Variants in ANPEP observed in about 807,000 individuals in gnomAD.
The protein encoded by ANPEP is alanyl aminopeptidase, membrane.
A neutral mutation model predicts 114.6 loss-of-function variants in ANPEP; 70 were observed. The ratio of observed to expected loss-of-function variants is 0.61; its 90% confidence interval spans 0.50 to 0.75. ANPEP has a LOEUF of 0.75. Among genes scored for constraint, ANPEP ranks in the 30% least tolerant of loss-of-function variants. ANPEP has a pLI of 0.00. For synonymous variants in ANPEP, 548 were observed against 522.3 expected, an observed-to-expected ratio of 1.05 and a Z score of -0.67; for missense variants, 1,184 against 1,259.5, an observed-to-expected ratio of 0.94 and a Z score of 0.91.
chr15:89,791,705 A>G (rs28462367), intron 18 of ANPEP, among the ~76,000 whole-genome samples: 62,013 of 150,678 alleles, frequency 0.41, 13,556 homozygotes, highest in African/African-American at 0.56. Context: ...CATCCACCTC[A>G]GTCTTCCAAA....
Position 89,801,096 on chromosome 15 carries a change from G to C in ANPEP, c.1819+15C>G. On this transcript the variant is annotated intron_variant, in intron 12 of 20. Transcript: ENST00000300060. ...TGGGGTGGGGGCTGCTGCCCATAAG[G>C]CAGGGCTGGATTACCTCTTACATCT... 1 of 1,612,722 alleles carries C rather than the reference G, an allele frequency of 6.2e-7. No individual in the cohort carries two copies. Among genetic ancestry groups the C allele is most frequent in the Non-Finnish European group, 8.5e-7 (1 of 1,178,874 alleles).
At chr15:89,808,715 T>A (rs1894767851) in intron 1 of ANPEP, among the ~76,000 whole-genome samples, 1 of 152,126 alleles carries the variant, frequency 6.6e-6, no homozygotes, top group South Asian at 2.1e-4. Context: ...CCCACATGCC[T>A]TCCTGCTCCC....
intron 19 of ANPEP, among the ~76,000 whole-genome samples, 171 bp downstream of exon 19, chr15:89,790,782 C>T (rs541460633): frequency 1.3e-5 from 2 of 152,186 alleles, no homozygotes; most frequent in Non-Finnish European, 2.9e-5. Flanking sequence ...GGAAAAGGGA[C>T]GGCCCATACC....
At chr15:89,788,825 G>A (rs2141786386) in intron 20 of ANPEP, among the ~76,000 whole-genome samples, 1 of 151,168 alleles carries the variant, frequency 6.6e-6, no homozygotes, top group Admixed American at 6.6e-5. Context: ...TTATGATATT[G>A]CCCAGGCTGG....
intron 1 of ANPEP, among the ~76,000 whole-genome samples, chr15:89,812,169 C>A (rs1894827201): frequency 6.8e-6 from 1 of 147,668 alleles, no homozygotes; most frequent in South Asian, 2.1e-4. Context: ...GAGCTGAGCA[C>A]CCGTGGCCGG....
At position 89,806,601 on chromosome 15, in the gene ANPEP, G is replaced by A. The variant is rs765961855; in HGVS notation, c.-18C>T. On this transcript the variant is annotated 5_prime_UTR_variant, in exon 2 of 21. Transcript: ENST00000300060. This position sits in a 1 kb window ranked among gnomAD's most constrained non-coding sequence, Gnocchi z 5.7. ...TTGGCCATGGTGATGGTGGGGAGGC[G>A]GCTCAGGGAGCCTCAGGCCAGGCAG... 77 of 1,561,954 alleles carry A rather than the reference G, an allele frequency of 4.9e-5. No homozygotes were observed. The Admixed American group carries it at 1.3e-3, about 27-fold the overall frequency.
chr15:89,805,245 A>T, intron 3 of ANPEP, 28 bp from the exon 4 acceptor site: 2 of 1,613,904 alleles, frequency 1.2e-6, no homozygotes, highest in Non-Finnish European at 1.7e-6. Flanking sequence ...GTGTGTGAGG[A>T]CGTACCCTCC....
At chr15:89,804,834 ATAGCCACC>A in intron 4 of ANPEP, 1 of 812,986 alleles carries the variant, frequency 1.2e-6, no homozygotes, top group Admixed American at 2.9e-5. Flanking sequence ...AACAATCATC[ATAGCCACC>A]GTCTGTCTGG....
chr15:89,792,572 G>A lies in ANPEP; in HGVS notation c.2250-10C>T, dbSNP rs1210965848. ...ATTAACCTCGCTGTACCTGCCCCAGGGGTGACACGCGGTTAGCACACCTGG... is the reference window on the plus strand; with the variant it reads ...ATTAACCTCGCTGTACCTGCCCCAGAGGTGACACGCGGTTAGCACACCTGG... On this transcript the variant is annotated splice_polypyrimidine_tract_variant and intron_variant, in intron 16 of 20. Coordinates refer to ENST00000300060, the MANE Select transcript of ANPEP (RefSeq NM_001150.3). The A allele has an allele frequency of 1.2e-6, 2 of 1,611,984 alleles. No individual in the cohort carries two copies. The highest frequency in any genetic ancestry group is 2.2e-5 in the East Asian group (1 of 44,860).
intron 4 of ANPEP, chr15:89,804,873 C>G (rs533908078): frequency 7.0e-6 from 6 of 857,164 alleles, no homozygotes; most frequent in Non-Finnish European, 1.1e-5. Flanking sequence ...GTCAGGAACT[C>G]CCTTCATGAA....
chr15:89,811,866 G>A (rs1374987119), intron 1 of ANPEP, among the ~76,000 whole-genome samples: 2 of 152,214 alleles, frequency 1.3e-5, no homozygotes, highest in Admixed American at 6.5e-5. Context: ...GGTAGAAGCC[G>A]AGCTCTCAAC....
Position 89,803,994 on chromosome 15 carries a change from C to T in ANPEP, c.1188G>A (p.Gly396=). 1 of 1,614,018 alleles carries T rather than the reference C, an allele frequency of 6.2e-7. No homozygotes were observed. The highest frequency in any genetic ancestry group is 1.1e-5 in the South Asian group (1 of 91,050). ...IAHELAHQWF[G]NLVTIEWWND... The stretch of plus-strand genomic sequence containing the variant: ...TCCACCACTCTATGGTCACCAGGTT[C>T]CCGAACCACTGTGGGGGGAGGGGTC... The change falls in exon 7 of 21, where the codon GGG becomes GGA. Residue 396 remains glycine (G), a synonymous_variant. Coordinates refer to ENST00000300060, the MANE Select transcript of ANPEP (RefSeq NM_001150.3). This position sits in a 1 kb window ranked among gnomAD's most constrained non-coding sequence, Gnocchi z 4.2.
chr15:89,803,561 T>G lies in ANPEP; in HGVS notation c.1438-54A>C. 1 of 1,602,756 alleles carries G rather than the reference T, an allele frequency of 6.2e-7. No homozygotes were observed. The highest frequency in any genetic ancestry group is 1.1e-5 in the South Asian group (1 of 90,754). On this transcript the variant is annotated intron_variant, in intron 8 of 20. Coordinates refer to ENST00000300060, the MANE Select transcript of ANPEP (RefSeq NM_001150.3). The surrounding 1 kb of genome is among the most constrained non-coding windows in gnomAD (Gnocchi z 4.2). ...AGGCTGTGCAGAGCCACCAGGACCCTGTGCCCCCAGACCCTGCCTTCAGTG... is the reference window on the plus strand; with the variant it reads ...AGGCTGTGCAGAGCCACCAGGACCCGGTGCCCCCAGACCCTGCCTTCAGTG...
At chr15:89,790,014 G>C (rs1968586517) in intron 20 of ANPEP, among the ~76,000 whole-genome samples, 1 of 141,182 alleles carries the variant, frequency 7.1e-6, no homozygotes, top group Non-Finnish European at 1.5e-5. Context: ...AGCCCAGATC[G>C]CACCACTGCA....
At chr15:89,813,753 T>C (rs529925077) in intron 1 of ANPEP, among the ~76,000 whole-genome samples, 36 of 152,284 alleles carry the variant, frequency 2.4e-4, no homozygotes, top group African/African-American at 7.7e-4. Context: ...AGGGGCCCTC[T>C]GGTCCAAGCC....
Position 89,792,243 on chromosome 15 carries a change from C to T in ANPEP, c.2445G>A (p.Gln815=). Residue 815 remains glutamine (Q), a synonymous_variant, in exon 18 of 21, where the codon CAG becomes CAA. Coordinates refer to ENST00000300060, the MANE Select transcript of ANPEP (RefSeq NM_001150.3). ...GEEEWDFAWE[Q]FRNATLVNEA... Reference sequence around the variant, plus strand: ...CATTGACCAGTGTGGCATTTCGGAACTGCTCCCAGGCGAAGTCCCACTCCT... The same window carrying T: ...CATTGACCAGTGTGGCATTTCGGAATTGCTCCCAGGCGAAGTCCCACTCCT... The T allele has an allele frequency of 6.2e-7, 1 of 1,614,238 alleles. No homozygotes were observed. The highest frequency in any genetic ancestry group is 1.1e-5 in the South Asian group (1 of 91,088).
rs373751687 is a variant in ANPEP, at chr15:89,799,423, C to T, written c.1953+3G>A. ...GGCAGGGCGAGGGGTGGCAGACACT[C>T]ACCGAGTGGTCTCTCTGCAGCTGAG... On this transcript the variant is annotated splice_donor_region_variant and intron_variant, in intron 13 of 20. Transcript: ENST00000300060. The surrounding 1 kb of genome is among the most constrained non-coding windows in gnomAD (Gnocchi z 4.2). 3.1e-6 allele frequency: 5 copies of T among 1,614,058 alleles called. No individual in the cohort carries two copies. In the African/African-American group the frequency reaches 4.0e-5, roughly 13 times the overall value.
intron 15 of ANPEP, among the ~76,000 whole-genome samples, chr15:89,796,009 G>A (rs540644747): frequency 6.6e-6 from 1 of 152,330 alleles, no homozygotes; most frequent in African/African-American, 2.4e-5. Flanking sequence ...GAAGCCAGGT[G>A]TTCCAGACCA....
In ANPEP at chr15:89,785,352, T is replaced by C; in HGVS notation, c.2901A>G (p.Lys967=). The C allele has an allele frequency of 1.2e-6, 2 of 1,614,180 alleles. No homozygotes were observed. The highest frequency in any genetic ancestry group is 1.7e-6 in the Non-Finnish European group (2 of 1,180,012). The change falls in exon 21 of 21, where the codon AAA becomes AAG. Residue 967 remains lysine (K), a synonymous_variant. Coordinates refer to ENST00000300060, the MANE Select transcript of ANPEP (RefSeq NM_001150.3). ...VVLQWFTENS[K] ...GGGTGACTTCAAGGGCTGGGGACTA[T>C]TTGCTGTTTTCTGTGAACCACTGGA...
Sources: gnomAD v4.1 joint callset for allele counts (sites outside exome capture counted in the v4.1 genomes callset) on GRCh38, gnomAD v4.1.1 for gene constraint, Gnocchi (gnomAD v3.1) non-coding constraint, MANE v1.5 for transcripts, NCBI Gene and HGNC (gene_info 2026-07-23, HGNC 2026-07-21) for gene names.